The following CDH23 variants were observed in gnomAD, a reference collection of about 807,000 sequenced individuals.
CDH23 encodes cadherin related 23.
Under a neutral mutation model 317.1 loss-of-function variants are expected in CDH23, and 189 were observed. That is an observed-to-expected ratio of 0.60 (90% CI 0.53 to 0.67). The LOEUF (loss-of-function observed/expected upper bound fraction) is 0.67, where lower values mean the gene tolerates loss of function less well. Ranked by LOEUF, CDH23 falls within the 30% of genes least tolerant of loss-of-function variation. The probability of loss-of-function intolerance (pLI) is 0.00; values close to 1 mark genes in which losing one functional copy is unlikely to be tolerated. For synonymous variants in CDH23, 1,839 were observed against 1,876.8 expected (o/e 0.98, Z 0.52); for missense variants, 4,401 against 4,592.4 (o/e 0.96, Z 1.20).
intron 19 of CDH23, among the ~76,000 whole-genome samples, chr10:71,689,730 C>CG (rs1174294399): frequency 6.6e-6 from 1 of 152,212 alleles, no homozygotes; most frequent in Non-Finnish European, 1.5e-5. Context: ...TCTTTAGACC[C>CG]GGTCCCAGGG....
intron 2 of CDH23, among the ~76,000 whole-genome samples, chr10:71,440,825 G>T (rs1193573311): frequency 1.3e-5 from 2 of 152,188 alleles, no homozygotes; most frequent in East Asian, 3.9e-4. Context: ...AGAGCCGTGG[G>T]CATGGTGTAC....
At chr10:71,418,221 A>G (rs886206797) in intron 1 of CDH23, among the ~76,000 whole-genome samples, 6 of 152,106 alleles carry the variant, frequency 3.9e-5, no homozygotes, top group Non-Finnish European at 8.8e-5. Context: ...TATAGCTAGT[A>G]ATGTTTTAAT....
intron 19 of CDH23, among the ~76,000 whole-genome samples, chr10:71,688,409 C>T (rs2132696733): frequency 6.6e-6 from 1 of 151,908 alleles, no homozygotes; most frequent in South Asian, 2.1e-4. Context: ...GAGTCAGGGA[C>T]ATTGGAGTTA....
chr10:71,759,854 C>CACACACACATATATACACACACACATAT (rs1482468493), intron 38 of CDH23, among the ~76,000 whole-genome samples: 8 of 109,304 alleles, frequency 7.3e-5, no homozygotes, highest in South Asian at 3.1e-4. Context: ...CACATATACA[C>CACACACACATATATACACACACACATAT]ACACACACAC....
intron 11 of CDH23, chr10:71,622,957 C>G: frequency 1.0e-6 from 1 of 985,328 alleles, no homozygotes; most frequent in Non-Finnish European, 1.2e-6. Flanking sequence ...CCTGGCCTTC[C>G]TGAGGGACTA....
chr10:71,798,434 C>G lies in CDH23; in HGVS notation c.6910C>G (p.Arg2304Gly). ...KPFGITYYME[R>G]ILEGATPGTT... ...CTTTGGGATCACCTACTACATGGAG[C>G]GGATCCTGGAGGGGGCCACCCCTGG... Residue 2304 changes from arginine to glycine, a missense_variant, in exon 50 of 70, where the codon CGG (arginine) becomes GGG (glycine). Physicochemically the swap from Arg to Gly is moderately radical, Grantham distance 125. This residue lies in a region of CDH23 where 3,068 missense variants were observed against 3,203.3 expected (regional missense o/e 0.96). Coordinates refer to ENST00000224721, the MANE Select transcript of CDH23 (RefSeq NM_022124.6). 1 of 1,613,890 alleles carries G rather than the reference C, an allele frequency of 6.2e-7. No individual in the cohort carries two copies. The highest frequency in any genetic ancestry group is 8.5e-7 in the Non-Finnish European group (1 of 1,179,784).
chr10:71,528,260 G>A (rs945467239), intron 6 of CDH23, among the ~76,000 whole-genome samples: 1 of 151,932 alleles, frequency 6.6e-6, no homozygotes, highest in Admixed American at 6.6e-5. Context: ...TCACTCCACC[G>A]CCAGGCCTCT....
rs765889006 is a variant in CDH23 at position 71,800,760 on chromosome 10, G to A, written c.7482+5G>A. On this transcript the variant is annotated splice_donor_5th_base_variant and intron_variant, in intron 53 of 69. Coordinates refer to ENST00000224721, the MANE Select transcript of CDH23 (RefSeq NM_022124.6). ...CGTCGCGAAAATTCAGTGCAGGTGA[G>A]GGGTGCCAACCTGGGCCAGGGATGA... 1.9e-5 allele frequency: 30 copies of A among 1,613,462 alleles called. No homozygotes were observed. Among genetic ancestry groups the A allele is most frequent in the African/African-American group, 2.7e-5 (2 of 74,912 alleles).
At chr10:71,505,041 T>C (rs1853557840) in intron 3 of CDH23, among the ~76,000 whole-genome samples, 1 of 152,332 alleles carries the variant, frequency 6.6e-6, no homozygotes, top group East Asian at 1.9e-4. Flanking sequence ...AGTTCCAATG[T>C]ACCGTCTTAA....
At chr10:71,646,722 G>C (rs746689161) in intron 14 of CDH23, 105 bp downstream of exon 14, 29 of 1,611,546 alleles carry the variant, frequency 1.8e-5, no homozygotes, top group Non-Finnish European at 2.3e-5. Flanking sequence ...AGGGAAGGAG[G>C]CACCCCCAAA....
intron 1 of CDH23, among the ~76,000 whole-genome samples, chr10:71,439,056 G>C (rs912901701): frequency 6.6e-6 from 1 of 152,158 alleles, no homozygotes; most frequent in African/African-American, 2.4e-5. Context: ...ATATGGGAGA[G>C]AGCTGTCTAC....
In CDH23 at chr10:71,575,068, C is replaced by T. The variant is rs562914455; in HGVS notation, c.754-2846C>T. On this transcript the variant is annotated intron_variant, in intron 8 of 69. Transcript: ENST00000224721. ...AGAGAGGGGGAACCTTGCTGGGGGCCCCACACAGTGGAACATCGTAGACAC... is the reference window on the plus strand; with the variant it reads ...AGAGAGGGGGAACCTTGCTGGGGGCTCCACACAGTGGAACATCGTAGACAC... Among the ~76,000 whole-genome samples the T allele has an allele frequency of 3.9e-5, 6 of 152,276 alleles. No homozygotes were observed. In the South Asian group the frequency reaches 1.2e-3, roughly 32 times the overall value.
chr10:71,603,118 G>A (rs1321323030), intron 9 of CDH23, among the ~76,000 whole-genome samples: 1 of 152,094 alleles, frequency 6.6e-6, no homozygotes, highest in East Asian at 1.9e-4. Flanking sequence ...TCATCCCTGG[G>A]CCCATCTTTC....
intron 38 of CDH23, among the ~76,000 whole-genome samples, chr10:71,775,599 A>G (rs1840799064): frequency 6.6e-6 from 1 of 152,154 alleles, no homozygotes; most frequent in Admixed American, 6.5e-5. Context: ...GGCTCAGCTG[A>G]GAGGGCCTTT....
chr10:71,631,570 T>C (rs965219530), intron 11 of CDH23, among the ~76,000 whole-genome samples: 1 of 152,238 alleles, frequency 6.6e-6, no homozygotes, highest in African/African-American at 2.4e-5. Flanking sequence ...ATTTCTGTTT[T>C]TGGCATGATG....
At chr10:71,695,813 G>C (rs1156853054) in intron 22 of CDH23, among the ~76,000 whole-genome samples, 3 of 152,198 alleles carry the variant, frequency 2.0e-5, no homozygotes, top group Admixed American at 2.0e-4. Flanking sequence ...GGTTCCGCTT[G>C]TGAGCCACAC....
intron 28 of CDH23, chr10:71,716,643 T>A (rs1866257886): frequency 3.3e-6 from 1 of 303,812 alleles, no homozygotes; most frequent in South Asian, 1.2e-4. Flanking sequence ...TCAATCCTCA[T>A]GAATCATCAC....
In CDH23 at chr10:71,738,554, C is replaced by T. The variant is rs757494317; in HGVS notation, c.4266C>T (p.Ser1422=). 1.1e-5 allele frequency: 17 copies of T among 1,613,856 alleles called. No homozygotes were observed. The highest frequency in any genetic ancestry group is 1.6e-4 in the Middle Eastern group (1 of 6,084). Residue 1422 remains serine, a synonymous_variant, in exon 35 of 70, where the codon TCC becomes TCT. Coordinates refer to ENST00000224721, the MANE Select transcript of CDH23 (RefSeq NM_022124.6). ...NDNSPRFDFT[S]DSAVSIPEDC... Reference sequence around the variant, plus strand: ...ACAGCCCCCGGTTTGACTTCACCTCCGACTCGGCGGTCAGCATACCCGAGG... The same window carrying T: ...ACAGCCCCCGGTTTGACTTCACCTCTGACTCGGCGGTCAGCATACCCGAGG...
intron 1 of CDH23, among the ~76,000 whole-genome samples, chr10:71,404,541 G>T (rs748557955): frequency 1.3e-5 from 2 of 152,252 alleles, no homozygotes; most frequent in African/African-American, 4.8e-5. Flanking sequence ...TTTTACAAGT[G>T]GTGAAACTGA....
Sources: allele counts gnomAD v4.1 joint callset (sites outside exome capture counted in the v4.1 genomes callset), GRCh38; gene constraint gnomAD v4.1.1; regional missense constraint gnomAD v4.1.1; transcripts MANE v1.5; gene names NCBI Gene and HGNC (gene_info 2026-07-23, HGNC 2026-07-21).